Variants in GOLGA1 observed in about 807,000 individuals in gnomAD.
GOLGA1 encodes the protein golgin subfamily A member 1.
GOLGA1 carries 63 observed loss-of-function variants against 119.7 expected under a neutral mutation model. The observed-to-expected ratio is 0.53, with a 90% confidence interval of 0.43 to 0.65. The LOEUF (loss-of-function observed/expected upper bound fraction) is 0.65, where lower values mean the gene tolerates loss of function less well. Ranked by LOEUF, GOLGA1 falls within the 30% of genes least tolerant of loss-of-function variation. The probability of loss-of-function intolerance (pLI) is 0.00; values close to 1 mark genes in which losing one functional copy is unlikely to be tolerated. For missense variants in GOLGA1, 798 were observed against 912.8 expected (o/e 0.87, Z 1.62); for synonymous variants, 318 against 333.4 (o/e 0.95, Z 0.50).
In GOLGA1 at chr9:124,880,340, C is replaced by G. The variant is rs1829546180; in HGVS notation, c.*190G>C. 4.2e-6 allele frequency: 2 copies of G among 476,378 alleles called. No homozygotes were observed. Among genetic ancestry groups the G allele is most frequent in the Non-Finnish European group, 3.9e-6 (1 of 254,598 alleles). The allele number at this position is 476,378 out of a possible 1,614,324, so 29.5% of individuals were successfully genotyped here. A position where few individuals can be genotyped will look rare whatever the true frequency, so the allele number is the denominator to read the frequency against. On this transcript the variant is annotated 3_prime_UTR_variant, in exon 23 of 23. Transcript: ENST00000373555. The stretch of plus-strand genomic sequence containing the variant: ...CCCTCCTGTTTGGTGACCAGAATGA[C>G]AGGATCAGCTACCCCCTGAGGTTCA...
At position 124,888,101 on chromosome 9, in the gene GOLGA1, G is replaced by A. The variant is rs1829766744; in HGVS notation, c.1905+152C>T. The A allele has an allele frequency of 1.4e-6, 1 of 712,656 alleles. No individual in the cohort carries two copies. Among genetic ancestry groups the A allele is most frequent in the Non-Finnish European group, 2.5e-6 (1 of 401,036 alleles). The allele number at this position is 712,656 out of a possible 1,614,324, so 44.1% of individuals were successfully genotyped here. On this transcript the variant is annotated intron_variant, in intron 19 of 22. Coordinates refer to ENST00000373555, the MANE Select transcript of GOLGA1 (RefSeq NM_002077.4). This position sits in a 1 kb window ranked among gnomAD's most constrained non-coding sequence, Gnocchi z 4.4. ...GGAGGACAGTGCAGGAGGAACGGAA[G>A]ATCAGGAGGAAGGCCTTTGGGTGAG... is the stretch of plus-strand genomic sequence containing the variant.
chr9:124,920,286 ATTT>A (rs113594549), intron 10 of GOLGA1, among the ~76,000 whole-genome samples: 8 of 139,358 alleles, frequency 5.7e-5, no homozygotes, highest in African/African-American at 7.8e-5. Context: ...CAACTGGCTA[ATTT>A]TTTTTTTTTT....
chr9:124,906,061 C>T (rs980338945), intron 12 of GOLGA1, among the ~76,000 whole-genome samples: 3 of 151,100 alleles, frequency 2.0e-5, no homozygotes, highest in Admixed American at 6.6e-5. Flanking sequence ...TGCAGGGAGC[C>T]GAGATGGCAC....
At chr9:124,944,087 CTGAT>C (rs1237407859), upstream of GOLGA1, 7 of 152,102 alleles carry the variant, frequency 4.6e-5, no homozygotes, top group African/African-American at 1.7e-4. Flanking sequence ...AAAGGTTTCT[CTGAT>C]TGTTGAACAG....
In GOLGA1 at chr9:124,946,553, G is replaced by C. The variant is rs1415049307; in HGVS notation, c.-156+1365C>G. ...ATTTCTGCAGTGAATGTATTTAAGT[G>C]TATATTAAACATCTCCTACACTCTT... On this transcript the variant is annotated intron_variant, in intron 1 of 4. Coordinates refer to the GOLGA1 transcript ENST00000421514. The surrounding 1 kb of genome is among the most constrained non-coding windows in gnomAD (Gnocchi z 4.0). 6.6e-6 allele frequency: 1 copy of C among 152,012 alleles called. No individual in the cohort carries two copies. The allele number at this position is 152,012 out of a possible 1,614,324, so 9.4% of individuals were successfully genotyped here. A position where few individuals can be genotyped will look rare whatever the true frequency, so the allele number is the denominator to read the frequency against.
At chr9:124,914,627 G>A (rs1261436929) in intron 10 of GOLGA1, among the ~76,000 whole-genome samples, 1 of 152,188 alleles carries the variant, frequency 6.6e-6, no homozygotes, top group African/African-American at 2.4e-5. Context: ...AGACATATAG[G>A]GTCAAGGGAA....
At chr9:124,940,326 T>C (rs561756180) in intron 1 of GOLGA1, among the ~76,000 whole-genome samples, 171 bp from the exon 2 acceptor site, 1 of 152,288 alleles carries the variant, frequency 6.6e-6, no homozygotes, top group Non-Finnish European at 1.5e-5. Context: ...CTAACCCTGA[T>C]CTCCTATGAA....
Position 124,881,045 on chromosome 9 carries a change from C to T in GOLGA1, c.2223+126G>A. 1.4e-6 allele frequency: 1 copy of T among 695,054 alleles called. No homozygotes were observed. The highest frequency in any genetic ancestry group is 1.8e-5 in the African/African-American group (1 of 56,184). 43.1% of individuals were successfully genotyped at this position (695,054 alleles called of 1,614,324 possible). A position where few individuals can be genotyped will look rare whatever the true frequency, so the allele number is the denominator to read the frequency against. On this transcript the variant is annotated intron_variant, in intron 22 of 22. Transcript: ENST00000373555. The surrounding 1 kb of genome is among the most constrained non-coding windows in gnomAD (Gnocchi z 4.9). ...TGGATCAAGTTCATCCAAAAGCAGC[C>T]AAGCTGATCATGCAGCTGTGCTGGT...
Position 124,929,781 on chromosome 9 carries a change from A to C in GOLGA1, c.227-491T>G, listed in dbSNP as rs376299093. On this transcript the variant is annotated intron_variant, in intron 4 of 22. Transcript: ENST00000373555. ...ATAGTGATAGCACTTAATTCTCTAA[A>C]AAAGTGAGCTCCCTTTCTACACAGG... Among the ~76,000 whole-genome samples, 10 of 152,258 alleles carry C rather than the reference A, an allele frequency of 6.6e-5. No homozygotes were observed. The South Asian group carries it at 2.1e-3, about 32-fold the overall frequency.
Position 124,928,244 on chromosome 9 carries a change from C to T in GOLGA1, c.343G>A (p.Ala115Thr), listed in dbSNP as rs1406373191. The part of the protein sequence containing the change: ...KFQEQNETFQ[A>T]NRAKMAEGLA... ...CCTTCTGCCATTTTGGCTCTGTTGG[C>T]TTGGAATGTCTCATTCTGCTCTTGA... Residue 115 changes from alanine to threonine, a missense_variant, in exon 6 of 23, where the codon GCC (alanine) becomes ACC (threonine). Coordinates refer to ENST00000373555, the MANE Select transcript of GOLGA1 (RefSeq NM_002077.4). 2 of 1,607,876 alleles carry T rather than the reference C, an allele frequency of 1.2e-6. No homozygotes were observed. The highest frequency in any genetic ancestry group is 2.7e-5 in the African/African-American group (2 of 74,722).
At chr9:124,882,488 C>T in intron 20 of GOLGA1, 22 bp downstream of exon 20, 1 of 1,592,392 alleles carries the variant, frequency 6.3e-7, no homozygotes, top group Non-Finnish European at 8.6e-7. Context: ...GAAGTGGGGC[C>T]AGCTCCCATG....
upstream of GOLGA1, chr9:124,945,631 A>C (rs1831134138): frequency 6.6e-6 from 1 of 152,192 alleles, no homozygotes; most frequent in Admixed American, 6.5e-5. Context: ...ATGGTGCTTC[A>C]ATCAGTTATT....
At chr9:124,908,506 C>T in intron 11 of GOLGA1, 34 bp from the exon 12 acceptor site, 1 of 1,068,508 alleles carries the variant, frequency 9.4e-7, no homozygotes, top group Non-Finnish European at 1.5e-6. Context: ...AGAAGACTAT[C>T]ATTCCTCAGT....
upstream of GOLGA1, chr9:124,944,896 C>A (rs1831121678): frequency 6.6e-6 from 1 of 152,144 alleles, no homozygotes; most frequent in Non-Finnish European, 1.5e-5. Flanking sequence ...AGTGATATAA[C>A]AAACATTTAA....
chr9:124,906,083 A>G (rs1333594606), intron 12 of GOLGA1, among the ~76,000 whole-genome samples: 1 of 151,474 alleles, frequency 6.6e-6, no homozygotes, highest in African/African-American at 2.4e-5. Flanking sequence ...ATTGCACTCT[A>G]GCCTGGGGGA....
intron 10 of GOLGA1, among the ~76,000 whole-genome samples, chr9:124,919,523 A>T (rs1329739762): frequency 6.6e-6 from 1 of 152,208 alleles, no homozygotes; most frequent in Non-Finnish European, 1.5e-5. Flanking sequence ...TGAGTTCTGG[A>T]GTAAGACTTG....
chr9:124,942,653 T>C (rs550506743), upstream of GOLGA1: 2 of 151,822 alleles, frequency 1.3e-5, no homozygotes, highest in East Asian at 3.9e-4. Flanking sequence ...ACACTTAATA[T>C]ATATGTGGAT....
In GOLGA1 at chr9:124,911,952, T is replaced by C. The variant is rs746121055; in HGVS notation, c.918A>G (p.Arg306=). 121 of 1,611,240 alleles carry C rather than the reference T, an allele frequency of 7.5e-5. No homozygotes were observed. Among genetic ancestry groups the C allele is most frequent in the Non-Finnish European group, 9.7e-5 (114 of 1,177,470 alleles). ...LQEKVASLEK[R]LEQNLSGEEH... is the part of the protein sequence containing the mutation. ...CTTCTCCTGATAAGTTCTGTTCTAGTCTCTTCTCCAAGGATGCAACCTTCT... is the reference window on the plus strand; with the variant it reads ...CTTCTCCTGATAAGTTCTGTTCTAGCCTCTTCTCCAAGGATGCAACCTTCT... Residue 306 remains arginine (R), a synonymous_variant, in exon 11 of 23, where the codon AGA becomes AGG. Coordinates refer to ENST00000373555, the MANE Select transcript of GOLGA1 (RefSeq NM_002077.4).
At chr9:124,883,466 A>C (rs1829637637) in intron 19 of GOLGA1, among the ~76,000 whole-genome samples, 1 of 151,586 alleles carries the variant, frequency 6.6e-6, no homozygotes, top group South Asian at 2.1e-4. Flanking sequence ...TATTTTTTTC[A>C]GACAGAGTCT....
Sources: gnomAD v4.1 joint callset for allele counts (sites outside exome capture counted in the v4.1 genomes callset) on GRCh38, gnomAD v4.1.1 for gene constraint, Gnocchi (gnomAD v3.1) non-coding constraint, MANE v1.5 for transcripts, NCBI Gene and HGNC (gene_info 2026-07-23, HGNC 2026-07-21) for gene names.